MTMR10: variants seen among roughly 807,000 people sequenced by gnomAD.
MTMR10 encodes the protein myotubularin related protein 10.
MTMR10 carries 56 observed loss-of-function variants against 88.1 expected under a neutral mutation model. The ratio of observed to expected loss-of-function variants is 0.64; its 90% CI spans 0.51 to 0.79. The LOEUF is 0.79. Ranked by LOEUF, MTMR10 falls within the 30% of genes least tolerant of loss-of-function variation. MTMR10 has a pLI of 0.00. For missense variants in MTMR10, 883 were observed against 924.7 expected, an observed-to-expected ratio of 0.95 and a Z score of 0.58; for synonymous variants, 380 against 340.9, an observed-to-expected ratio of 1.11 and a Z score of -1.26.
At chr15:30,929,188 T>C in the MTMR10 span, 2 of 1,607,766 alleles carry the variant, frequency 1.2e-6, no homozygotes, top group South Asian at 1.1e-5. Context: ...ACAGCTTGCT[T>C]TCCCTGTGAC....
intron 5 of MTMR10, among the ~76,000 whole-genome samples, chr15:30,970,093 T>C (rs1358324317): frequency 2.6e-5 from 4 of 152,106 alleles, no homozygotes; most frequent in African/African-American, 7.2e-5. Context: ...GGATGAAAAG[T>C]AGGATATAGG....
At chr15:30,918,868 G>A in the MTMR10 span, among the ~76,000 whole-genome samples, 3 of 152,224 alleles carry the variant, frequency 2.0e-5, no homozygotes, top group South Asian at 6.2e-4. Context: ...AGGATATACA[G>A]TTGACCCTTG....
the MTMR10 span, chr15:30,922,201 A>C: frequency 1.3e-6 from 2 of 1,594,484 alleles, no homozygotes; most frequent in Non-Finnish European, 1.7e-6. Flanking sequence ...TTTTTTGTGA[A>C]TCTAATGAGG....
Position 30,952,026 on chromosome 15 carries a change from C to T in MTMR10, c.1149G>A (p.Lys383=). 2 of 1,613,598 alleles carry T rather than the reference C, an allele frequency of 1.2e-6. No individual in the cohort carries two copies. The highest frequency in any genetic ancestry group is 1.1e-5 in the South Asian group (1 of 91,076). ...GCATGTATACAAGTTCTGCTGAATG[C>T]TTAAGGAATGCCCTGAAGAGAGAAA... ...RWLEYVRAFL[K]HSAELVYMLE... Residue 383 remains lysine (K), a synonymous_variant, in exon 12 of 16, where the codon AAG becomes AAA. Transcript: ENST00000435680.
At chr15:30,954,135 A>C (rs1374242213) in intron 10 of MTMR10, among the ~76,000 whole-genome samples, 2 of 152,102 alleles carry the variant, frequency 1.3e-5, no homozygotes, top group Non-Finnish European at 2.9e-5. Context: ...ATAATCATTC[A>C]GGACACTAGT....
At chr15:30,932,707 G>GTT in the MTMR10 span, among the ~76,000 whole-genome samples, 1 of 127,920 alleles carries the variant, frequency 7.8e-6, no homozygotes. Flanking sequence ...GTTTATATTT[G>GTT]TTTCTTTTCT....
In MTMR10 at chr15:30,958,342, C is replaced by T. The variant is rs531749631; in HGVS notation, c.935+521G>A. On this transcript the variant is annotated intron_variant, in intron 9 of 15. Coordinates refer to ENST00000435680, the MANE Select transcript of MTMR10 (RefSeq NM_017762.3). Reference sequence around the variant, plus strand: ...GAGGAGCAGAGGCTGAGGGCCCAGGCGGGTTTAAGGAGAGAGTGATCAATA... The same window carrying T: ...GAGGAGCAGAGGCTGAGGGCCCAGGTGGGTTTAAGGAGAGAGTGATCAATA... Among the ~76,000 whole-genome samples the T allele has an allele frequency of 1.1e-4, 17 of 152,258 alleles. No individual in the cohort carries two copies. The South Asian group carries it at 3.3e-3, about 30-fold the overall frequency.
At position 30,941,628 on chromosome 15, in the gene MTMR10, T is replaced by C. The variant is rs1043247; in HGVS notation, c.2176A>G (p.Thr726Ala). ...AACTCCGGTGTCCCCGAGGTGTCGG[T>C]GTGGTGAGGGCCGCTGGCGTTGAAG... Reference protein sequence around the residue: ...MYFNASGPHHTDTSGTPEFLS... With the variant: ...MYFNASGPHHADTSGTPEFLS... Residue 726 changes from threonine (T) to alanine (A), a missense_variant, in exon 16 of 16, where the codon ACC becomes GCC. Thr to Ala is a moderately conservative substitution (Grantham distance 58). This residue lies in a region of MTMR10 where 343 missense variants were observed against 323.2 expected (regional missense o/e 1.06). Transcript: ENST00000435680. 1.9e-6 allele frequency: 3 copies of C among 1,606,792 alleles called. No homozygotes were observed. Among genetic ancestry groups the C allele is most frequent in the Non-Finnish European group, 2.5e-6 (3 of 1,176,478 alleles).
chr15:30,941,098 G>A lies in MTMR10; in HGVS notation c.*372C>T, dbSNP rs1025096219. 25 of 1,226,382 alleles carry A rather than the reference G, an allele frequency of 2.0e-5. No homozygotes were observed. The highest frequency in any genetic ancestry group is 3.3e-5 in the Admixed American group (1 of 30,204). The allele number at this position is 1,226,382 out of a possible 1,614,324, so 76.0% of individuals were successfully genotyped here. A position where few individuals can be genotyped will look rare whatever the true frequency, so the allele number is the denominator to read the frequency against. ...TATCAGATGCTCCTAAAAATGACAC[G>A]AAACACAAATTTCCTAACTTTCCTG... On this transcript the variant is annotated 3_prime_UTR_variant, in exon 16 of 16. Coordinates refer to ENST00000435680, the MANE Select transcript of MTMR10 (RefSeq NM_017762.3).
chr15:30,978,400 T>C (rs2030313886), intron 2 of MTMR10, among the ~76,000 whole-genome samples: 1 of 152,190 alleles, frequency 6.6e-6, no homozygotes, highest in African/African-American at 2.4e-5. Context: ...CAAGAATGAA[T>C]AAAATCACTT....
intron 6 of MTMR10, 123 bp from the exon 7 acceptor site, chr15:30,961,196 G>T: frequency 7.8e-7 from 1 of 1,286,934 alleles, no homozygotes; most frequent in South Asian, 1.7e-5. Context: ...CACCTTCCAA[G>T]TCTCTCCGAG....
chr15:30,924,420 C>G, the MTMR10 span, among the ~76,000 whole-genome samples: 1 of 152,282 alleles, frequency 6.6e-6, no homozygotes, highest in South Asian at 2.1e-4. Flanking sequence ...CTGTTTTTCA[C>G]AGTGTTTACA....
chr15:30,956,265 CATGAA>C (rs1182229425), intron 9 of MTMR10: 1 of 152,164 alleles, frequency 6.6e-6, no homozygotes, highest in African/African-American at 2.4e-5. Flanking sequence ...TGTAATGTGT[CATGAA>C]CCTGCATGTC....
chr15:30,970,019 C>T (rs528816841), intron 5 of MTMR10, among the ~76,000 whole-genome samples: 151 of 152,208 alleles, frequency 9.9e-4, no homozygotes, highest in African/African-American at 3.4e-3. Context: ...CAATATAAAG[C>T]GTCTCTTTAG....
chr15:30,925,482 G>A, the MTMR10 span, among the ~76,000 whole-genome samples: 1 of 152,198 alleles, frequency 6.6e-6, no homozygotes, highest in Non-Finnish European at 1.5e-5. Context: ...GAGGAGACTG[G>A]GTTGCTTGGT....
chr15:30,944,922 G>C (rs758833459), intron 14 of MTMR10, among the ~76,000 whole-genome samples: 1 of 151,668 alleles, frequency 6.6e-6, no homozygotes, highest in Non-Finnish European at 1.5e-5. Context: ...TGAGGCGAGA[G>C]CAGTGCTTGG....
intron 13 of MTMR10, among the ~76,000 whole-genome samples, chr15:30,948,048 A>C (rs1388954692): frequency 6.6e-6 from 1 of 152,214 alleles, no homozygotes; most frequent in Non-Finnish European, 1.5e-5. Context: ...TCAGTATTTT[A>C]TTCAGAATTT....
chr15:30,942,319 C>T (rs2063082188), intron 15 of MTMR10: 1 of 553,784 alleles, frequency 1.8e-6, no homozygotes, highest in East Asian at 3.1e-5. Context: ...TACCTCCTAT[C>T]CACTAATTTG....
chr15:30,961,183 C>A (rs1026817306), intron 6 of MTMR10, 110 bp from the exon 7 acceptor site: 38 of 1,364,162 alleles, frequency 2.8e-5, no homozygotes, highest in South Asian at 6.3e-5. Context: ...CTCTAACCTG[C>A]TTCACCTTCC....
Sources: allele counts gnomAD v4.1 joint callset (sites outside exome capture counted in the v4.1 genomes callset), GRCh38; gene constraint gnomAD v4.1.1; regional missense constraint gnomAD v4.1.1; transcripts MANE v1.5; gene names NCBI Gene and HGNC (gene_info 2026-07-23, HGNC 2026-07-21).